Variants in LNX1 observed in about 807,000 individuals in gnomAD.
The protein encoded by LNX1 is E3 ubiquitin-protein ligase LNX.
Under a neutral mutation model 68.4 loss-of-function variants are expected in LNX1, and 54 were observed. The ratio of observed to expected loss-of-function variants is 0.79; its 90% CI spans 0.63 to 0.99. The LOEUF (loss-of-function observed/expected upper bound fraction) is 0.99. LNX1 is among the 50% of genes least tolerant of loss of function. LNX1 has a pLI of 0.00. For missense variants in LNX1, 906 were observed against 926.4 expected (o/e 0.98, Z 0.29); for synonymous variants, 336 against 350.0 (o/e 0.96, Z 0.45).
At chr4:53,539,519 C>T (rs762246202) in intron 2 of LNX1, among the ~76,000 whole-genome samples, 1 of 152,206 alleles carries the variant, frequency 6.6e-6, no homozygotes, top group African/African-American at 2.4e-5. Context: ...GCATGTGCCA[C>T]CATGCCCAGC....
intron 1 of LNX1, among the ~76,000 whole-genome samples, chr4:53,581,275 T>C (rs761360674): frequency 6.6e-6 from 1 of 152,174 alleles, no homozygotes; most frequent in African/African-American, 2.4e-5. Flanking sequence ...TTAAGGAAGT[T>C]GAAAAATGTG....
chr4:53,475,935 G>A (rs773091791), intron 9 of LNX1, among the ~76,000 whole-genome samples: 16 of 152,150 alleles, frequency 1.1e-4, no homozygotes, highest in Non-Finnish European at 1.9e-4. Flanking sequence ...CAAACAAAAG[G>A]TGCTTAAACA....
intron 2 of LNX1, among the ~76,000 whole-genome samples, chr4:53,552,206 G>A (rs576442189): frequency 3.9e-5 from 6 of 152,228 alleles, no homozygotes; most frequent in Admixed American, 1.3e-4. Flanking sequence ...CAGTGACCCC[G>A]CCTAGCTGTC....
upstream of LNX1, among the ~76,000 whole-genome samples, chr4:53,619,606 G>A (rs377199489): frequency 6.6e-6 from 1 of 152,126 alleles, no homozygotes; most frequent in Non-Finnish European, 1.5e-5. Context: ...TTGTTTAGCT[G>A]TTCATCACTT....
chr4:53,611,381 A>C (rs1035552033), intron 2 of LNX1, among the ~76,000 whole-genome samples: 2 of 152,204 alleles, frequency 1.3e-5, no homozygotes, highest in African/African-American at 4.8e-5. Context: ...AATGCCATAA[A>C]GATATTAAAT....
intron 2 of LNX1, among the ~76,000 whole-genome samples, chr4:53,604,452 G>A (rs550509459): frequency 3.9e-5 from 6 of 152,308 alleles, no homozygotes; most frequent in African/African-American, 1.4e-4. Context: ...AAGCAGAACT[G>A]GCAGAGCCTA....
In LNX1 at chr4:53,459,553, G is replaced by T; in HGVS notation, c.*1354C>A. 3 of 1,497,942 alleles carry T rather than the reference G, an allele frequency of 2.0e-6. No individual in the cohort carries two copies. The highest frequency in any genetic ancestry group is 2.7e-6 in the Non-Finnish European group (3 of 1,093,780). 92.8% of individuals were successfully genotyped at this position (1,497,942 alleles called of 1,614,324 possible). A position where few individuals can be genotyped will look rare whatever the true frequency, so the allele number is the denominator to read the frequency against. The stretch of plus-strand genomic sequence containing the variant: ...AGAAATTTACCTTAAATCTTGTTCT[G>T]TTTGTTAGTATGAAAAGTTAACTTT... On this transcript the variant is annotated 3_prime_UTR_variant, in exon 11 of 11. Coordinates refer to ENST00000263925, the MANE Select transcript of LNX1 (RefSeq NM_001126328.3).
chr4:53,534,130 C>A (rs1240311559), intron 2 of LNX1, among the ~76,000 whole-genome samples: 3 of 152,202 alleles, frequency 2.0e-5, no homozygotes, highest in African/African-American at 7.2e-5. Context: ...TCAGGAGAAG[C>A]CTAGGGCCCA....
At chr4:53,607,402 C>T (rs1733277063) in intron 2 of LNX1, among the ~76,000 whole-genome samples, 1 of 152,038 alleles carries the variant, frequency 6.6e-6, no homozygotes, top group African/African-American at 2.4e-5. Flanking sequence ...TATAGCTAAC[C>T]AGGGAGGGGA....
At chr4:53,587,882 A>C (rs988217437) in intron 1 of LNX1, among the ~76,000 whole-genome samples, 19 of 152,100 alleles carry the variant, frequency 1.2e-4, no homozygotes, top group Admixed American at 5.9e-4. Context: ...ACTGGCAGCC[A>C]CTCTACCCTG....
intron 2 of LNX1, among the ~76,000 whole-genome samples, chr4:53,569,662 T>C (rs1730990264): frequency 6.6e-6 from 1 of 151,304 alleles, no homozygotes; most frequent in Non-Finnish European, 1.5e-5. Flanking sequence ...AATTGAGAAA[T>C]GGGATCTAAT....
Position 53,635,863 on chromosome 4 carries a change from CT to C in LNX1, c.-215+16304del, listed in dbSNP as rs1560702516. On this transcript the variant is annotated intron_variant, in intron 1 of 2. Coordinates refer to the LNX1 transcript ENST00000507168. ...AAATGAATACAAATATATGAGAGTA[CT>C]TCTTGTCCTAACTGCAGCTGGGAAG... 2.0e-5 allele frequency among the ~76,000 whole-genome samples: 3 copies of C among 152,262 alleles called. No homozygotes were observed. The East Asian group carries it at 5.8e-4, about 29-fold the overall frequency.
At position 53,504,877 on chromosome 4, in the gene LNX1, C is replaced by T. The variant is rs538809605; in HGVS notation, c.775+2440G>A. Among the ~76,000 whole-genome samples, 6 of 152,204 alleles carry T rather than the reference C, an allele frequency of 3.9e-5. No homozygotes were observed. The East Asian group carries it at 7.7e-4, about 20-fold the overall frequency. ...TTTACTGACCTATAAGGGCATGGCT[C>T]GTGGCACGCTAAAACAATTACAATA... is the stretch of plus-strand genomic sequence containing the variant. On this transcript the variant is annotated intron_variant, in intron 4 of 10. Transcript: ENST00000263925.
At chr4:53,635,882 C>T (rs1734453999) in intron 1 of LNX1, among the ~76,000 whole-genome samples, 1 of 152,112 alleles carries the variant, frequency 6.6e-6, no homozygotes, top group Non-Finnish European at 1.5e-5. Flanking sequence ...CTAACTGCAG[C>T]TGGGAAGGTA....
chr4:53,487,690 T>A (rs1042209312), intron 6 of LNX1, among the ~76,000 whole-genome samples: 1 of 152,158 alleles, frequency 6.6e-6, no homozygotes, highest in African/African-American at 2.4e-5. Flanking sequence ...GTGGGCCCCT[T>A]GTTACAGAAA....
Position 53,476,829 on chromosome 4 carries a change from C to T in LNX1, c.1816G>A (p.Ala606Thr). ...EPQEDCSSPA[A>T]LDSNHNMAPP... ...GCCATGTTGTGGTTGGAGTCCAGGG[C>T]TGCTGGGCTGCTGCAGTCTTCCTGG... is the stretch of plus-strand genomic sequence containing the variant. The change falls in exon 9 of 11, where the codon GCC becomes ACC. Residue 606 changes from alanine to threonine, a missense_variant. By Grantham distance (58) the Ala-to-Thr change is moderately conservative. Transcript: ENST00000263925. 1.2e-6 allele frequency: 2 copies of T among 1,614,194 alleles called. No homozygotes were observed. The highest frequency in any genetic ancestry group is 1.7e-6 in the Non-Finnish European group (2 of 1,180,020).
chr4:53,513,989 T>C (rs1238495563), intron 2 of LNX1, among the ~76,000 whole-genome samples: 1 of 152,242 alleles, frequency 6.6e-6, no homozygotes, highest in African/African-American at 2.4e-5. Context: ...TTCCTACTTC[T>C]TCAGGGCCTC....
intron 2 of LNX1, among the ~76,000 whole-genome samples, chr4:53,567,781 C>T (rs907948298): frequency 1.3e-5 from 2 of 152,008 alleles, no homozygotes; most frequent in Non-Finnish European, 2.9e-5. Context: ...AGAGAAGAAT[C>T]AAATAGATGC....
At position 53,461,605 on chromosome 4, in the gene LNX1, T is replaced by C. The variant is rs149631003; in HGVS notation, c.1893-12A>G. The C allele has an allele frequency of 6.3e-7, 1 of 1,598,722 alleles. No individual in the cohort carries two copies. The highest frequency in any genetic ancestry group is 1.3e-5 in the African/African-American group (1 of 74,392). On this transcript the variant is annotated splice_polypyrimidine_tract_variant and intron_variant, in intron 9 of 10. Transcript: ENST00000263925. ...AGTTATACAAGCACCTGAAATAGAA[T>C]GTAATCAGTGTACATGCATATTTAA...
Sources: allele counts gnomAD v4.1 joint callset (sites outside exome capture counted in the v4.1 genomes callset), GRCh38; gene constraint gnomAD v4.1.1; transcripts MANE v1.5; gene names NCBI Gene and HGNC (gene_info 2026-07-23, HGNC 2026-07-21).